Variants in NDC80 observed in about 807,000 individuals in gnomAD.
The protein encoded by NDC80 is NDC80 kinetochore complex component, also known as kinetochore protein NDC80 homolog.
In NDC80, 69 loss-of-function variants were observed where a neutral mutation model predicts 89.3. That is an observed-to-expected ratio of 0.77 (90% CI 0.64 to 0.94). The LOEUF is 0.94. NDC80 is among the 40% of genes least tolerant of loss of function. The pLI is 0.00. For synonymous variants in NDC80, 243 were observed against 255.6 expected, an observed-to-expected ratio of 0.95 and a Z score of 0.47; for missense variants, 593 against 739.6, an observed-to-expected ratio of 0.80 and a Z score of 2.30.
At chr18:2,592,210 G>T in intron 10 of NDC80, among the ~76,000 whole-genome samples, 1 of 152,140 alleles carries the variant, frequency 6.6e-6, no homozygotes, top group Admixed American at 6.6e-5. Flanking sequence ...CCATTCCAGA[G>T]TGATTTAGTT....
At chr18:2,596,966 A>C (rs897745203) in intron 11 of NDC80, among the ~76,000 whole-genome samples, 4 of 152,096 alleles carry the variant, frequency 2.6e-5, no homozygotes, top group African/African-American at 9.7e-5. Context: ...CATAGGTGGG[A>C]ATTGAACAAT....
intron 14 of NDC80, among the ~76,000 whole-genome samples, chr18:2,606,882 T>C (rs369745185): frequency 1.6e-4 from 25 of 152,132 alleles, no homozygotes; most frequent in South Asian, 1.0e-3. Flanking sequence ...AATATGTAGT[T>C]GCCCACCAAG....
intron 12 of NDC80, among the ~76,000 whole-genome samples, chr18:2,601,181 A>G (rs1283981597): frequency 6.6e-6 from 1 of 152,232 alleles, no homozygotes; most frequent in Non-Finnish European, 1.5e-5. Flanking sequence ...TGAATTTTGC[A>G]AGTATTCAAA....
In NDC80 at chr18:2,590,056, A is replaced by G. The variant is rs2072619899; in HGVS notation, c.909A>G (p.Leu303=). 1.9e-6 allele frequency: 3 copies of G among 1,609,272 alleles called. No homozygotes were observed. The highest frequency in any genetic ancestry group is 2.5e-6 in the Non-Finnish European group (3 of 1,177,896). ...LESLRKLKAS[L]QGDVQKYQAY... ...CGTTGAGAAAACTGAAGGCTTCCTT[A>G]CAAGGAGATGTTCAAAAGTATCAGG... Residue 303 remains leucine (L), a synonymous_variant, in exon 10 of 17, where the codon TTA becomes TTG. Transcript: ENST00000261597.
rs765148327 is a variant in NDC80, at chr18:2,587,935, C to T, written c.763+12C>T. The T allele has an allele frequency of 4.4e-5, 71 of 1,609,098 alleles. No individual in the cohort carries two copies. The highest frequency in any genetic ancestry group is 5.7e-5 in the Non-Finnish European group (67 of 1,176,116). On this transcript the variant is annotated intron_variant, in intron 8 of 16. Coordinates refer to ENST00000261597, the MANE Select transcript of NDC80 (RefSeq NM_006101.3). ...GCAGTCAAAACTGAGTAAGTGTTCT[C>T]GTTCTTAGGGTGCTTGCTTTTGGTC...
chr18:2,584,387 A>G (rs1027270453), intron 6 of NDC80, among the ~76,000 whole-genome samples: 2 of 151,276 alleles, frequency 1.3e-5, no homozygotes, highest in Admixed American at 6.6e-5. Context: ...CTGTGTTTAT[A>G]TCTACATTTT....
At chr18:2,582,848 T>C (rs7227903) in intron 6 of NDC80, 149,916 of 152,356 alleles carry the variant, frequency 0.98, 73,803 homozygotes, top group East Asian at 1. Context: ...GATTTCCTAT[T>C]TCACTATGCC....
In NDC80 at chr18:2,610,809, A is replaced by G. The variant is rs760847543; in HGVS notation, c.1739A>G (p.Asn580Ser). Residue 580 changes from asparagine (N) to serine (S), a missense_variant, in exon 16 of 17, where the codon AAT becomes AGT. By Grantham distance (46) the Asn-to-Ser change is conservative (BLOSUM62 1). Transcript: ENST00000261597. ...TTTEERRKVG[N>S]NLQRLLEMVA... Reference sequence around the variant, plus strand: ...ACTGAAGAAAGACGAAAAGTGGGAAATAACTTGCAACGTCTGTTAGAGATG... The same window carrying G: ...ACTGAAGAAAGACGAAAAGTGGGAAGTAACTTGCAACGTCTGTTAGAGATG... 1.0e-5 allele frequency: 16 copies of G among 1,591,998 alleles called. No homozygotes were observed. In the South Asian group the frequency reaches 1.4e-4, roughly 13 times the overall value.
Position 2,577,855 on chromosome 18 carries a change from C to T in NDC80, c.289C>T (p.Arg97Ter). The T allele has an allele frequency of 6.2e-7, 1 of 1,613,916 alleles. No individual in the cohort carries two copies. Among genetic ancestry groups the T allele is most frequent in the Non-Finnish European group, 8.5e-7 (1 of 1,179,954 alleles). ...NDKAFIQQCI[R>*]QLCEFLTENG... The stretch of plus-strand genomic sequence containing the variant: ...CAAAGCATTCATTCAGCAGTGTATT[C>T]GACAACTCTGTGAGGTACTTTAGGA... Residue 97 changes from arginine (R) to a stop codon, truncating the protein, a stop_gained, in exon 4 of 17, where the codon CGA becomes TGA. Coordinates refer to ENST00000261597, the MANE Select transcript of NDC80 (RefSeq NM_006101.3). LOFTEE classifies it high-confidence loss of function.
In NDC80 at chr18:2,589,187, T is replaced by G; in HGVS notation, c.764-17T>G. The G allele has an allele frequency of 6.4e-7, 1 of 1,561,586 alleles. No homozygotes were observed. The highest frequency in any genetic ancestry group is 1.1e-5 in the South Asian group (1 of 89,520). ...GCGGATTTGAGGTCTTAAAAAGCTT[T>G]TGGATTTTGTCTCCAGAGGATTTAT... On this transcript the variant is annotated splice_polypyrimidine_tract_variant and intron_variant, in intron 8 of 16. Coordinates refer to ENST00000261597, the MANE Select transcript of NDC80 (RefSeq NM_006101.3).
At chr18:2,595,229 T>TTATA (rs60668754) in intron 10 of NDC80, among the ~76,000 whole-genome samples, 187 bp from the exon 11 acceptor site, 101,093 of 146,464 alleles carry the variant, frequency 0.69, 35,344 homozygotes, top group South Asian at 0.82. Context: ...ACTTTGAAAT[T>TTATA]TATATATATA....
chr18:2,590,284 A>G (rs1459657568), intron 10 of NDC80, 122 bp downstream of exon 10: 1 of 1,001,196 alleles, frequency 1.0e-6, no homozygotes, highest in African/African-American at 1.7e-5. Flanking sequence ...GCAGGCTACC[A>G]AGTTTTCAGT....
At chr18:2,590,462 G>T (rs1598239026) in intron 10 of NDC80, among the ~76,000 whole-genome samples, 1 of 152,250 alleles carries the variant, frequency 6.6e-6, no homozygotes, top group African/African-American at 2.4e-5. Flanking sequence ...AGCTTTTAGT[G>T]GCTGGCAGCA....
intron 2 of NDC80, 141 bp from the exon 3 acceptor site, chr18:2,574,848 A>G: frequency 1.6e-6 from 1 of 617,928 alleles, no homozygotes; most frequent in East Asian, 2.8e-5. Flanking sequence ...AACAGCTTTC[A>G]TGACTGCTAA....
chr18:2,584,174 G>C (rs1477608245), intron 6 of NDC80, among the ~76,000 whole-genome samples: 1 of 151,582 alleles, frequency 6.6e-6, no homozygotes. Context: ...TGTAATCCCA[G>C]GTACTCCAGA....
chr18:2,593,048 G>GTGTC (rs1283306668), intron 10 of NDC80, among the ~76,000 whole-genome samples: 1 of 116,448 alleles, frequency 8.6e-6, no homozygotes, highest in Non-Finnish European at 1.8e-5. Context: ...GTGTGTGTGT[G>GTGTC]TGTGTGTCTT....
chr18:2,584,256 C>A (rs913372985), intron 6 of NDC80, among the ~76,000 whole-genome samples: 6 of 149,754 alleles, frequency 4.0e-5, no homozygotes, highest in African/African-American at 1.5e-4. Context: ...CCACTGCACT[C>A]CATCCTGGGT....
At chr18:2,607,965 GTATATATATATATATATATATA>G (rs3033372) in intron 14 of NDC80, among the ~76,000 whole-genome samples, 9 of 68,152 alleles carry the variant, frequency 1.3e-4, no homozygotes, top group African/African-American at 1.7e-4. Flanking sequence ...TATATACATA[GTATATATATATATATATATATA>G]TATATATATA....
intron 13 of NDC80, among the ~76,000 whole-genome samples, chr18:2,606,098 A>G (rs1291670808): frequency 3.3e-5 from 5 of 151,568 alleles, no homozygotes; most frequent in African/African-American, 1.2e-4. Context: ...TCAAATCCAG[A>G]GGCAAAAATT....
Sources: gnomAD v4.1 joint callset for allele counts (sites outside exome capture counted in the v4.1 genomes callset) on GRCh38, gnomAD v4.1.1 for gene constraint, MANE v1.5 for transcripts, NCBI Gene and HGNC (gene_info 2026-07-23, HGNC 2026-07-21) for gene names.